Variants in SHISA9 observed in about 807,000 individuals in gnomAD.
SHISA9 encodes shisa family member 9, also known as protein shisa-9.
SHISA9 carries 13 observed loss-of-function variants against 38.0 expected under a neutral mutation model. That is an observed-to-expected ratio of 0.34 (90% CI 0.22 to 0.54). The LOEUF (loss-of-function observed/expected upper bound fraction) is 0.54, where lower values mean the gene tolerates loss of function less well. Among genes scored for constraint, SHISA9 ranks in the 20% least tolerant of loss-of-function variants. The pLI is 0.91. For synonymous variants in SHISA9, 275 were observed against 242.0 expected, an observed-to-expected ratio of 1.14 and a Z score of -1.27; for missense variants, 538 against 575.8, an observed-to-expected ratio of 0.93 and a Z score of 0.67.
the SHISA9 span, among the ~76,000 whole-genome samples, chr16:13,279,645 A>G: frequency 6.6e-6 from 1 of 151,990 alleles, no homozygotes; most frequent in Non-Finnish European, 1.5e-5. Context: ...GTAGAGGTCT[A>G]TAAACATCAA....
intron 2 of SHISA9, among the ~76,000 whole-genome samples, chr16:13,071,600 C>CCTCCCTTCCTTCCTT (rs372979908): frequency 2.1e-5 from 3 of 145,164 alleles, no homozygotes; most frequent in Admixed American, 7.0e-5. Context: ...TTCCTTCCTT[C>CCTCCCTTCCTTCCTT]CCTTTCTTCC....
chr16:13,494,626 A>G, the SHISA9 span, among the ~76,000 whole-genome samples: 3 of 152,204 alleles, frequency 2.0e-5, no homozygotes, highest in African/African-American at 4.8e-5. Context: ...TAAAGAAAAC[A>G]TGAACTTATA....
At chr16:13,302,253 C>A in the SHISA9 span, among the ~76,000 whole-genome samples, 1 of 152,142 alleles carries the variant, frequency 6.6e-6, no homozygotes, top group African/African-American at 2.4e-5. Context: ...AAATTAACCT[C>A]ATTTTTAGAT....
At chr16:13,387,175 G>A in the SHISA9 span, among the ~76,000 whole-genome samples, 2 of 152,140 alleles carry the variant, frequency 1.3e-5, no homozygotes, top group Non-Finnish European at 2.9e-5. Context: ...ACTTTGTTAT[G>A]GGTTGAACTG....
At chr16:13,463,315 GGA>G in the SHISA9 span, among the ~76,000 whole-genome samples, 3 of 152,136 alleles carry the variant, frequency 2.0e-5, no homozygotes, top group African/African-American at 4.8e-5. Context: ...TAGCAGGTGT[GGA>G]GAGAGAGAGG....
At chr16:13,197,403 T>G (rs2050957432) in intron 2 of SHISA9, among the ~76,000 whole-genome samples, 1 of 152,166 alleles carries the variant, frequency 6.6e-6, no homozygotes, top group South Asian at 2.1e-4. Flanking sequence ...CTCTCAGTAT[T>G]TATAACTGAG....
At chr16:13,302,899 G>A in the SHISA9 span, among the ~76,000 whole-genome samples, 2 of 152,014 alleles carry the variant, frequency 1.3e-5, no homozygotes, top group African/African-American at 2.4e-5. Context: ...CTTTATAATG[G>A]GCTCTTCCCC....
intron 2 of SHISA9, among the ~76,000 whole-genome samples, chr16:12,923,614 A>G (rs979827998): frequency 2.0e-5 from 3 of 152,196 alleles, no homozygotes; most frequent in Non-Finnish European, 4.4e-5. Flanking sequence ...AACCAAATAC[A>G]TGGGAGTTCA....
intron 2 of SHISA9, among the ~76,000 whole-genome samples, chr16:13,035,226 T>C (rs1248730187): frequency 2.0e-5 from 3 of 152,248 alleles, no homozygotes; most frequent in Non-Finnish European, 4.4e-5. Flanking sequence ...TGTACATTGC[T>C]GTGGTCTTCC....
intron 2 of SHISA9, among the ~76,000 whole-genome samples, chr16:13,019,410 C>T (rs1174201294): frequency 1.3e-5 from 2 of 152,084 alleles, no homozygotes; most frequent in Non-Finnish European, 2.9e-5. Flanking sequence ...TGGCTTCTTA[C>T]TATGTCCTCA....
chr16:13,526,974 T>C, the SHISA9 span, among the ~76,000 whole-genome samples: 2 of 141,814 alleles, frequency 1.4e-5, no homozygotes, highest in African/African-American at 5.0e-5. Flanking sequence ...CCAATTTTAG[T>C]TCTAAGAAGA....
chr16:13,108,623 T>C (rs147258420), intron 2 of SHISA9, among the ~76,000 whole-genome samples: 2,714 of 152,272 alleles, frequency 0.018, 69 homozygotes, highest in African/African-American at 0.06. Context: ...TGAGACTGCA[T>C]GCTTACTAAT....
intron 2 of SHISA9, among the ~76,000 whole-genome samples, chr16:13,023,678 T>C (rs1171005178): frequency 2.0e-5 from 3 of 152,198 alleles, no homozygotes; most frequent in African/African-American, 7.2e-5. Context: ...CTCTCCAGCA[T>C]CCGTTGTTTC....
At chr16:13,516,797 C>CA in the SHISA9 span, among the ~76,000 whole-genome samples, 112,682 of 144,266 alleles carry the variant, frequency 0.78, 43,961 homozygotes, top group East Asian at 0.95. Flanking sequence ...GATTCCATCC[C>CA]AAAAAAAAAA....
At chr16:13,056,844 C>T (rs115216004) in intron 2 of SHISA9, among the ~76,000 whole-genome samples, 2 of 152,168 alleles carry the variant, frequency 1.3e-5, no homozygotes. Flanking sequence ...ATTCATGCCA[C>T]GAAGCGTTCA....
intron 2 of SHISA9, among the ~76,000 whole-genome samples, chr16:13,029,643 G>A (rs182412470): frequency 7.2e-4 from 109 of 152,286 alleles, no homozygotes; most frequent in South Asian, 1.7e-3. Context: ...TCTGTTATTT[G>A]CAACAACATG....
the SHISA9 span, among the ~76,000 whole-genome samples, chr16:13,546,565 A>T: frequency 6.6e-6 from 1 of 152,332 alleles, no homozygotes; most frequent in African/African-American, 2.4e-5. Flanking sequence ...CAATTGAAAG[A>T]CGTAAAGTAG....
At chr16:12,982,377 C>T (rs970542196) in intron 2 of SHISA9, among the ~76,000 whole-genome samples, 1 of 152,240 alleles carries the variant, frequency 6.6e-6, no homozygotes, top group African/African-American at 2.4e-5. Flanking sequence ...ACACTTCCAT[C>T]ATCTCAGAAG....
chr16:13,039,163 C>A (rs902016964), intron 2 of SHISA9, among the ~76,000 whole-genome samples: 1 of 152,154 alleles, frequency 6.6e-6, no homozygotes, highest in Non-Finnish European at 1.5e-5. Flanking sequence ...CCTGCCTCGG[C>A]CTCCCAAACT....
Sources: allele counts gnomAD v4.1 joint callset (sites outside exome capture counted in the v4.1 genomes callset), GRCh38; gene constraint gnomAD v4.1.1; transcripts MANE v1.5; gene names NCBI Gene and HGNC (gene_info 2026-07-23, HGNC 2026-07-21).